Variants in RNASEH1 observed in about 807,000 individuals in gnomAD.
RNASEH1 encodes ribonuclease H type II.
A neutral mutation model predicts 34.6 loss-of-function variants in RNASEH1; 27 were observed. That is an observed-to-expected ratio of 0.78 (90% CI 0.58 to 1.08). The LOEUF (loss-of-function observed/expected upper bound fraction) is 1.08, where lower values mean the gene tolerates loss of function less well. RNASEH1 is among the 50% of genes least tolerant of loss of function. RNASEH1 has a pLI of 0.00. For missense variants in RNASEH1, 349 were observed against 373.6 expected (o/e 0.93, Z 0.54); for synonymous variants, 162 against 138.4 (o/e 1.17, Z -1.20).
rs752688053 is a variant in RNASEH1, at chr2:3,556,895, G to A, written c.138C>T (p.Cys46=). The A allele has an allele frequency of 1.2e-6, 2 of 1,611,490 alleles. No homozygotes were observed. Among genetic ancestry groups the A allele is most frequent in the Non-Finnish European group, 1.7e-6 (2 of 1,177,590 alleles). The part of the protein sequence containing the change: ...KTGVFLTWNE[C]RAQVDRFPAA... The stretch of plus-strand genomic sequence containing the variant: ...CAGGAAACCGGTCCACCTGTGCTCT[G>A]CACTCATTCCTGGAAAAGATGTGCA... The change falls in exon 2 of 8, where the codon TGC becomes TGT. Residue 46 remains cysteine, a synonymous_variant. Transcript: ENST00000315212.
chr2:3,550,152 A>G (rs1338845092), intron 4 of RNASEH1: 1 of 462,558 alleles, frequency 2.2e-6, no homozygotes, highest in Non-Finnish European at 4.0e-6. Flanking sequence ...TAAAAAAAAA[A>G]AAAAAAAAAA....
At chr2:3,534,906 A>G in the RNASEH1 span, among the ~76,000 whole-genome samples, 2 of 152,248 alleles carry the variant, frequency 1.3e-5, no homozygotes, top group African/African-American at 4.8e-5. Flanking sequence ...GCCAGGCCCA[A>G]AAGGCCAAAT....
At chr2:3,534,399 G>A in the RNASEH1 span, 3 of 152,302 alleles carry the variant, frequency 2.0e-5, no homozygotes, top group Non-Finnish European at 4.4e-5. Context: ...GAGCTATGGT[G>A]CTTCCCAAGA....
At chr2:3,537,429 A>C (rs1230183342), downstream of RNASEH1, among the ~76,000 whole-genome samples, 1 of 152,216 alleles carries the variant, frequency 6.6e-6, no homozygotes, top group Non-Finnish European at 1.5e-5. Context: ...AGATCAAGGT[A>C]ACATATAAAA....
intron 2 of RNASEH1, among the ~76,000 whole-genome samples, chr2:3,552,671 C>G (rs1321338291): frequency 2.0e-5 from 3 of 151,108 alleles, no homozygotes; most frequent in South Asian, 2.1e-4. Context: ...GCTCTTTCTC[C>G]AGGAAAAACA....
intron 2 of RNASEH1, among the ~76,000 whole-genome samples, chr2:3,554,716 C>T (rs566956906): frequency 6.0e-4 from 91 of 151,860 alleles, no homozygotes; most frequent in Non-Finnish European, 1.2e-3. Context: ...ACTTGAGATA[C>T]AAATAAATTA....
chr2:3,532,455 G>A, the RNASEH1 span: 38 of 673,000 alleles, frequency 5.6e-5, no homozygotes, highest in Admixed American at 3.8e-4. Flanking sequence ...ACTCAGCCTC[G>A]CATCCCTTGA....
Position 3,548,039 on chromosome 2 carries a change from A to C in RNASEH1, c.666T>G (p.Val222=), listed in dbSNP as rs1312495942. 1 of 1,614,038 alleles carries C rather than the reference A, an allele frequency of 6.2e-7. No homozygotes were observed. Among genetic ancestry groups the C allele is most frequent in the Non-Finnish European group, 8.5e-7 (1 of 1,179,974 alleles). ...MFTINGITNW[V]QGWKKNGWKT... is the part of the protein sequence containing the mutation. Reference sequence around the variant, plus strand: ...TCCACCCATTTTTCTTCCAACCTTGAACCCAGTTAGTTATACCTACAAAAA... The same window carrying C: ...TCCACCCATTTTTCTTCCAACCTTGCACCCAGTTAGTTATACCTACAAAAA... Residue 222 remains valine, a synonymous_variant, in exon 7 of 8, where the codon GTT becomes GTG. Transcript: ENST00000315212.
At chr2:3,540,217 G>C (rs888697088), downstream of RNASEH1, among the ~76,000 whole-genome samples, 6 of 152,110 alleles carry the variant, frequency 3.9e-5, no homozygotes, top group Admixed American at 3.3e-4. Context: ...ATTTGGAGCT[G>C]ATGAAGATGC....
intron 5 of RNASEH1, 49 bp downstream of exon 5, chr2:3,549,009 C>T: frequency 1.4e-6 from 2 of 1,388,506 alleles, no homozygotes; most frequent in Non-Finnish European, 2.0e-6. Flanking sequence ...TTGATAATTT[C>T]ATACTCAATG....
Position 3,558,321 on chromosome 2 carries a change from G to T in RNASEH1, c.-61C>A. 2.0e-6 allele frequency: 3 copies of T among 1,464,924 alleles called. No homozygotes were observed. Among genetic ancestry groups the T allele is most frequent in the South Asian group, 1.4e-5 (1 of 71,836 alleles). The allele number at this position is 1,464,924 out of a possible 1,614,324, so 90.7% of individuals were successfully genotyped here. Reference sequence around the variant, plus strand: ...CGGCCCAGCGTGGGCGCGAGCCGCCGGCGCTCAACACCGCACTTCCGTCAC... The same window carrying T: ...CGGCCCAGCGTGGGCGCGAGCCGCCTGCGCTCAACACCGCACTTCCGTCAC... On this transcript the variant is annotated 5_prime_UTR_variant, in exon 1 of 8. Coordinates refer to ENST00000315212, the MANE Select transcript of RNASEH1 (RefSeq NM_002936.6).
At chr2:3,532,099 G>C in the RNASEH1 span, 1 of 614,128 alleles carries the variant, frequency 1.6e-6, no homozygotes, top group Non-Finnish European at 2.9e-6. Context: ...TTATGCAGCT[G>C]ACGAGTCAGG....
At chr2:3,547,722 C>T (rs891099553) in intron 7 of RNASEH1, among the ~76,000 whole-genome samples, 7 of 152,028 alleles carry the variant, frequency 4.6e-5, no homozygotes, top group Admixed American at 2.0e-4. Flanking sequence ...CTCCTGACCT[C>T]GTGATCCACC....
At chr2:3,548,876 C>T in intron 5 of RNASEH1, 152 bp from the exon 6 acceptor site, 2 of 763,310 alleles carry the variant, frequency 2.6e-6, no homozygotes, top group Non-Finnish European at 2.2e-6. Flanking sequence ...CCTGTGTAGA[C>T]ATCTATTTGA....
intron 7 of RNASEH1, among the ~76,000 whole-genome samples, chr2:3,546,136 A>T (rs1668727037): frequency 6.6e-6 from 1 of 152,184 alleles, no homozygotes; most frequent in South Asian, 2.1e-4. Context: ...CCACTTATCA[A>T]TGGGACTTGA....
intron 1 of RNASEH1, 56 bp downstream of exon 1, chr2:3,558,053 CGCCGCCGGGGTTAGCCGGGCTCCG>C: frequency 6.7e-7 from 1 of 1,486,476 alleles, no homozygotes; most frequent in Middle Eastern, 2.1e-4. Flanking sequence ...GCCAGGCTCC[CGCCGCCGGGGTTAGCCGGGCTCCG>C]GCCTCCCTCG....
chr2:3,534,938 G>C, the RNASEH1 span, among the ~76,000 whole-genome samples: 11 of 152,208 alleles, frequency 7.2e-5, no homozygotes, highest in Admixed American at 3.9e-4. Flanking sequence ...CCATTTATAC[G>C]GGGTCCCTAG....
Position 3,543,352 on chromosome 2 carries a change from A to T in RNASEH1, c.*2433T>A, listed in dbSNP as rs1342943520. ...GCTCAATTAAACTGCTAACTTGTCT[A>T]AAGTTTTTCTTTTAAGACAGGTTTG... On this transcript the variant is annotated 3_prime_UTR_variant, in exon 8 of 8. Transcript: ENST00000315212. Among the ~76,000 whole-genome samples the T allele has an allele frequency of 5.3e-5, 8 of 152,218 alleles. No individual in the cohort carries two copies. The highest frequency in any genetic ancestry group is 8.8e-5 in the Non-Finnish European group (6 of 68,038).
Position 3,552,141 on chromosome 2 carries a change from T to C in RNASEH1, c.409+3A>G, listed in dbSNP as rs1659989981. On this transcript the variant is annotated splice_donor_region_variant and intron_variant, in intron 3 of 7. Coordinates refer to ENST00000315212, the MANE Select transcript of RNASEH1 (RefSeq NM_002936.6). ...AAAATCTGAAAACCCAAGGAAGATG[T>C]ACCCATGTAGGAAAACGTGTCTCTG... 4 of 1,605,682 alleles carry C rather than the reference T, an allele frequency of 2.5e-6. 1 individual carries two copies. The highest frequency in any genetic ancestry group is 3.4e-6 in the Non-Finnish European group (4 of 1,177,774).
Sources: gnomAD v4.1 joint callset for allele counts (sites outside exome capture counted in the v4.1 genomes callset) on GRCh38, gnomAD v4.1.1 for gene constraint, MANE v1.5 for transcripts, NCBI Gene and HGNC (gene_info 2026-07-23, HGNC 2026-07-21) for gene names.